WWOX: variants seen among roughly 807,000 people sequenced by gnomAD.
WWOX encodes WW domain containing oxidoreductase, also known as WW domain-containing oxidoreductase.
A neutral mutation model predicts 46.2 loss-of-function variants in WWOX; 69 were observed. That is an observed-to-expected ratio of 1.49 (90% CI 1.23 to 1.82). WWOX has a LOEUF of 1.82. Among genes scored for constraint, WWOX ranks in the 40% most tolerant of loss-of-function variants. The pLI is 0.00. For synonymous variants in WWOX, 359 were observed against 202.6 expected (o/e 1.77, Z -6.56); for missense variants, 919 against 542.6 (o/e 1.69, Z -6.89).
chr16:78,492,795 G>A (rs1213970789), intron 8 of WWOX, among the ~76,000 whole-genome samples: 1 of 152,154 alleles, frequency 6.6e-6, no homozygotes, highest in Non-Finnish European at 1.5e-5. Context: ...TCCACCATTT[G>A]TAGCCTTTTG....
chr16:78,418,405 A>G (rs773073295), intron 6 of WWOX, among the ~76,000 whole-genome samples: 6 of 152,006 alleles, frequency 3.9e-5, no homozygotes, highest in Non-Finnish European at 7.4e-5. Flanking sequence ...ATTTTCCACA[A>G]ACTCTTTTAA....
At chr16:78,376,834 C>T (rs533743738) in intron 5 of WWOX, among the ~76,000 whole-genome samples, 8 of 152,224 alleles carry the variant, frequency 5.3e-5, no homozygotes, top group Admixed American at 1.3e-4. Flanking sequence ...TCTCTCCCTC[C>T]CAACAGCTGG....
At chr16:78,217,178 G>A (rs533916740) in intron 5 of WWOX, among the ~76,000 whole-genome samples, 1 of 152,276 alleles carries the variant, frequency 6.6e-6, no homozygotes, top group East Asian at 1.9e-4. Flanking sequence ...CTACCACAAC[G>A]TGAGAGCCCA....
intron 8 of WWOX, among the ~76,000 whole-genome samples, chr16:78,889,720 T>A (rs1226392746): frequency 6.6e-6 from 1 of 152,154 alleles, no homozygotes; most frequent in Non-Finnish European, 1.5e-5. Flanking sequence ...CTGCAGGTAT[T>A]TTCCCCCCAT....
chr16:78,975,451 C>T (rs114974967), intron 8 of WWOX, among the ~76,000 whole-genome samples: 158 of 151,450 alleles, frequency 1.0e-3, no homozygotes, highest in Middle Eastern at 6.8e-3. Flanking sequence ...CTAGAGGGTT[C>T]CCCAACCTTT....
intron 3 of WWOX, among the ~76,000 whole-genome samples, 171 bp from the exon 4 acceptor site, chr16:78,114,805 T>C (rs2032688788): frequency 1.3e-5 from 2 of 152,182 alleles, no homozygotes; most frequent in Admixed American, 1.3e-4. Context: ...GGCACAAATG[T>C]GATCCTTCTG....
Position 79,211,716 on chromosome 16 carries a change from C to G in WWOX, c.1165C>G (p.Gln389Glu), listed in dbSNP as rs1484856529. 10 of 1,614,118 alleles carry G rather than the reference C, an allele frequency of 6.2e-6. No individual in the cohort carries two copies. In the Admixed American group the frequency reaches 8.3e-5, roughly 13 times the overall value. Residue 389 changes from glutamine to glutamate, a missense_variant, in exon 9 of 9, where the codon CAG (glutamine) becomes GAG (glutamate). Transcript: ENST00000566780. ...CCGCTGCATGCCCTCACCAGAAGCT[C>G]AGAGCGAAGAGACGGCCCGGACCCT... is the stretch of plus-strand genomic sequence containing the variant. ...CCRCMPSPEA[Q>E]SEETARTLWA...
At chr16:79,130,875 G>A (rs895016636) in intron 8 of WWOX, among the ~76,000 whole-genome samples, 2 of 152,166 alleles carry the variant, frequency 1.3e-5, no homozygotes, top group African/African-American at 4.8e-5. Context: ...TGAGCCAAGG[G>A]GGCCCTGTGA....
At chr16:79,103,688 C>G (rs896923333) in intron 8 of WWOX, among the ~76,000 whole-genome samples, 2 of 152,114 alleles carry the variant, frequency 1.3e-5, no homozygotes, top group African/African-American at 4.8e-5. Context: ...ATTAGCTATT[C>G]ATAAAGGGTT....
intron 8 of WWOX, among the ~76,000 whole-genome samples, chr16:79,082,731 T>A (rs903110647): frequency 8.5e-5 from 13 of 152,206 alleles, no homozygotes; most frequent in African/African-American, 2.7e-4. Flanking sequence ...GAAGAGTTGT[T>A]CATGTGATGC....
intron 8 of WWOX, among the ~76,000 whole-genome samples, chr16:78,801,706 G>C (rs769978293): frequency 2.6e-5 from 4 of 152,116 alleles, no homozygotes; most frequent in African/African-American, 9.7e-5. Flanking sequence ...TACCTCTTCC[G>C]AGCAGGTGCA....
At chr16:78,395,977 G>C (rs1339251007) in intron 6 of WWOX, among the ~76,000 whole-genome samples, 2 of 152,112 alleles carry the variant, frequency 1.3e-5, no homozygotes. Context: ...AGGTACAGCA[G>C]GACACACTGC....
chr16:78,234,927 C>A (rs985344899), intron 5 of WWOX, among the ~76,000 whole-genome samples: 3 of 151,442 alleles, frequency 2.0e-5, no homozygotes, highest in Admixed American at 6.6e-5. Flanking sequence ...TTTTTTCTAA[C>A]TGAGGGATTA....
At chr16:78,839,918 C>G (rs1223211161) in intron 8 of WWOX, among the ~76,000 whole-genome samples, 2 of 152,170 alleles carry the variant, frequency 1.3e-5, no homozygotes, top group African/African-American at 2.4e-5. Flanking sequence ...CGCACAAATC[C>G]TGCATTTTCT....
intron 8 of WWOX, among the ~76,000 whole-genome samples, chr16:78,880,819 A>G (rs561718868): frequency 3.3e-5 from 5 of 152,216 alleles, no homozygotes; most frequent in Admixed American, 1.3e-4. Context: ...ACATGGGAGT[A>G]TGTTTCTAAG....
intron 8 of WWOX, among the ~76,000 whole-genome samples, chr16:78,776,969 G>C (rs960236535): frequency 2.0e-5 from 3 of 152,114 alleles, no homozygotes; most frequent in African/African-American, 4.8e-5. Context: ...GATTTGGGTG[G>C]GGACACAGCC....
chr16:79,063,689 C>T (rs2048393445), intron 8 of WWOX, among the ~76,000 whole-genome samples: 1 of 152,160 alleles, frequency 6.6e-6, no homozygotes, highest in Non-Finnish European at 1.5e-5. Context: ...GACGTGCCAG[C>T]ACCTCAAGAA....
chr16:78,497,510 A>G (rs1256095799), intron 8 of WWOX, among the ~76,000 whole-genome samples: 1 of 143,204 alleles, frequency 7.0e-6, no homozygotes, highest in African/African-American at 2.5e-5. Context: ...AAAGGAAGCA[A>G]TGAACAGAGT....
intron 8 of WWOX, among the ~76,000 whole-genome samples, chr16:78,780,076 A>G (rs558754533): frequency 6.6e-6 from 1 of 152,256 alleles, no homozygotes; most frequent in South Asian, 2.1e-4. Flanking sequence ...AAATAAATTA[A>G]TGGTGTGGCC....
Sources: gnomAD v4.1 joint callset for allele counts (sites outside exome capture counted in the v4.1 genomes callset) on GRCh38, gnomAD v4.1.1 for gene constraint, MANE v1.5 for transcripts, NCBI Gene and HGNC (gene_info 2026-07-23, HGNC 2026-07-21) for gene names.